Variants in FOXO1 observed in about 807,000 individuals in gnomAD.
FOXO1 encodes the protein forkhead box O1.
A neutral mutation model predicts 44.1 loss-of-function variants in FOXO1; 6 were observed. The observed-to-expected ratio is 0.14, with a 90% CI of 0.07 to 0.27. The LOEUF (loss-of-function observed/expected upper bound fraction) is 0.27, where lower values mean the gene tolerates loss of function less well. Among genes scored for constraint, FOXO1 ranks in the 10% least tolerant of loss-of-function variants. The pLI, the probability that FOXO1 is intolerant of heterozygous loss-of-function variation, is 1.00. For synonymous variants in FOXO1, 380 were observed against 362.7 expected, an observed-to-expected ratio of 1.05 and a Z score of -0.54; for missense variants, 737 against 888.8, an observed-to-expected ratio of 0.83 and a Z score of 2.17.
chr13:40,614,679 G>A (rs567727892), intron 1 of FOXO1, among the ~76,000 whole-genome samples: 8 of 152,122 alleles, frequency 5.3e-5, no homozygotes, highest in Admixed American at 3.3e-4. Context: ...CCAACCCCTC[G>A]GCCTCTGAAA....
In FOXO1 at chr13:40,559,923, G is replaced by T. The variant is rs1378329825; in HGVS notation, c.1568C>A (p.Thr523Asn). The T allele has an allele frequency of 4.3e-6, 7 of 1,614,078 alleles. No homozygotes were observed. In the African/African-American group the frequency reaches 9.3e-5, roughly 22 times the overall value. ...HNKMMNPSSH[T>N]HPGHAQQTSA... Reference sequence around the variant, plus strand: ...TGTCTGCTGAGCATGTCCAGGGTGGGTATGGGAGCTGGGATTCATCATTTT... The same window carrying T: ...TGTCTGCTGAGCATGTCCAGGGTGGTTATGGGAGCTGGGATTCATCATTTT... The change falls in exon 2 of 3, where the codon ACC becomes AAC. Residue 523 changes from threonine (T) to asparagine (N), a missense_variant. By Grantham distance (65) the Thr-to-Asn change is moderately conservative. Coordinates refer to ENST00000379561, the MANE Select transcript of FOXO1 (RefSeq NM_002015.4).
chr13:40,591,321 C>T (rs551304005), intron 1 of FOXO1, among the ~76,000 whole-genome samples: 115 of 152,290 alleles, frequency 7.6e-4, no homozygotes, highest in African/African-American at 2.6e-3. Flanking sequence ...GTTCTGGACA[C>T]GGCACCATGA....
chr13:40,604,004 G>A (rs1004373310), intron 1 of FOXO1, among the ~76,000 whole-genome samples: 3 of 152,146 alleles, frequency 2.0e-5, no homozygotes, highest in Non-Finnish European at 4.4e-5. Flanking sequence ...TGGTGTGCTG[G>A]GGAAGCAAAG....
At chr13:40,651,082 T>TGG (rs1344463857) in intron 1 of FOXO1, among the ~76,000 whole-genome samples, 1 of 129,376 alleles carries the variant, frequency 7.7e-6, no homozygotes, top group East Asian at 3.4e-4. Context: ...CTAGTTTTTT[T>TGG]GGTTTTTTGT....
intron 1 of FOXO1, among the ~76,000 whole-genome samples, chr13:40,604,238 ATG>A (rs1424866723): frequency 2.6e-5 from 4 of 152,152 alleles, no homozygotes; most frequent in South Asian, 2.1e-4. Context: ...AACACTTTAA[ATG>A]TGTGTCACTT....
chr13:40,574,486 T>C (rs1405559527), intron 1 of FOXO1, among the ~76,000 whole-genome samples: 2 of 152,224 alleles, frequency 1.3e-5, no homozygotes, highest in Non-Finnish European at 2.9e-5. Context: ...ATTTCAAGCA[T>C]ATTCGAGAAT....
chr13:40,621,173 AC>A, intron 1 of FOXO1: 1 of 534,502 alleles, frequency 1.9e-6, no homozygotes, highest in Non-Finnish European at 3.4e-6. Context: ...TTGATAGTGA[AC>A]CAGGTAAAAT....
intron 1 of FOXO1, among the ~76,000 whole-genome samples, chr13:40,660,174 G>C (rs907866811): frequency 1.1e-4 from 17 of 152,272 alleles, no homozygotes; most frequent in African/African-American, 3.4e-4. Flanking sequence ...GAGATCCTGG[G>C]GGGGCTGGGC....
intron 1 of FOXO1, among the ~76,000 whole-genome samples, chr13:40,635,344 A>G (rs1877111027): frequency 6.6e-6 from 1 of 152,128 alleles, no homozygotes; most frequent in Admixed American, 6.5e-5. Context: ...TCACAGAATC[A>G]TTACAAGCTT....
chr13:40,619,485 G>A (rs1402211282), intron 1 of FOXO1: 21 of 1,304,786 alleles, frequency 1.6e-5, no homozygotes, highest in East Asian at 2.4e-5. Flanking sequence ...ACAGTGGAGA[G>A]TTTCGGTTTA....
intron 1 of FOXO1, among the ~76,000 whole-genome samples, chr13:40,665,232 A>C (rs533489779): frequency 2.4e-4 from 37 of 152,044 alleles, no homozygotes; most frequent in African/African-American, 7.7e-4. Flanking sequence ...GGGCAGCCGA[A>C]GCAGTCGGCG....
intron 1 of FOXO1, among the ~76,000 whole-genome samples, chr13:40,597,849 T>C (rs967438308): frequency 6.6e-6 from 1 of 152,126 alleles, no homozygotes; most frequent in African/African-American, 2.4e-5. Context: ...CTTCATTAAG[T>C]AATTTAATAA....
intron 1 of FOXO1, among the ~76,000 whole-genome samples, chr13:40,652,424 C>A (rs57735994): frequency 6.6e-6 from 1 of 151,490 alleles, no homozygotes; most frequent in Non-Finnish European, 1.5e-5. Flanking sequence ...TTTTAGTAAA[C>A]ACGAGGTTTC....
At chr13:40,597,470 A>C (rs1875624836) in intron 1 of FOXO1, among the ~76,000 whole-genome samples, 1 of 152,172 alleles carries the variant, frequency 6.6e-6, no homozygotes, top group South Asian at 2.1e-4. Flanking sequence ...CTTTTTTATC[A>C]GTCCGAGCTG....
intron 1 of FOXO1, among the ~76,000 whole-genome samples, chr13:40,606,608 C>T (rs1224073175): frequency 1.3e-5 from 2 of 152,156 alleles, no homozygotes; most frequent in Non-Finnish European, 2.9e-5. Context: ...CCACCGCGCC[C>T]GGCCATGAAA....
rs1873989274 is a variant in FOXO1, at chr13:40,560,957, AAG to A, written c.631-99_631-98del. ...ACATGGAAAACAAGTAAAAAATCTT[AAG>A]AGTGTGTGCTACAGATTTCCATCTG... On this transcript the variant is annotated intron_variant, in intron 1 of 2. Transcript: ENST00000379561. This position sits in a 1 kb window ranked among gnomAD's most constrained non-coding sequence, Gnocchi z 5.1. The A allele has an allele frequency of 1.6e-6, 2 of 1,239,536 alleles. No individual in the cohort carries two copies. Among genetic ancestry groups the A allele is most frequent in the South Asian group, 1.5e-5 (1 of 66,296 alleles). 76.8% of individuals were successfully genotyped at this position (1,239,536 alleles called of 1,614,324 possible).
chr13:40,585,353 A>G (rs1875124451), intron 1 of FOXO1, among the ~76,000 whole-genome samples: 1 of 151,680 alleles, frequency 6.6e-6, no homozygotes, highest in Non-Finnish European at 1.5e-5. Context: ...GCACACACAC[A>G]CACACACACA....
At chr13:40,574,854 T>C (rs1315470450) in intron 1 of FOXO1, among the ~76,000 whole-genome samples, 1 of 152,154 alleles carries the variant, frequency 6.6e-6, no homozygotes, top group Non-Finnish European at 1.5e-5. Flanking sequence ...TTTAATCATT[T>C]AAAAAATCTA....
intron 1 of FOXO1, chr13:40,610,966 A>C (rs1483227755): frequency 2.4e-6 from 1 of 414,752 alleles, no homozygotes; most frequent in Non-Finnish European, 4.8e-6. Flanking sequence ...GGCCTTAAAA[A>C]CCACATGTAT....
Sources: gnomAD v4.1 joint callset for allele counts (sites outside exome capture counted in the v4.1 genomes callset) on GRCh38, gnomAD v4.1.1 for gene constraint, Gnocchi (gnomAD v3.1) non-coding constraint, MANE v1.5 for transcripts, NCBI Gene and HGNC (gene_info 2026-07-23, HGNC 2026-07-21) for gene names.